Variants in HOOK2 observed in about 807,000 individuals in gnomAD.
HOOK2 encodes the protein hook microtubule tethering protein 2.
A neutral mutation model predicts 111.9 loss-of-function variants in HOOK2; 108 were observed. That is an observed-to-expected ratio of 0.96 (90% CI 0.83 to 1.13). HOOK2 has a LOEUF of 1.13. Among genes scored for constraint, HOOK2 ranks in the 50% most tolerant of loss-of-function variants. The pLI is 0.00. For synonymous variants in HOOK2, 405 were observed against 394.3 expected (o/e 1.03, Z -0.32); for missense variants, 978 against 951.3 (o/e 1.03, Z -0.37).
chr19:12,771,353 GGA>G (rs1281709286), intron 8 of HOOK2, 34 bp from the exon 9 acceptor site: 1 of 1,607,826 alleles, frequency 6.2e-7, no homozygotes, highest in Non-Finnish European at 8.5e-7. Flanking sequence ...GCTTGGGCTT[GGA>G]GAGGGGCTAC....
chr19:12,775,873 CTTT>C (rs775787302), upstream of HOOK2, among the ~76,000 whole-genome samples: 1 of 103,844 alleles, frequency 9.6e-6, no homozygotes, highest in Admixed American at 1.0e-4. Context: ...TAAGTAAATT[CTTT>C]TTTTTTTTTT....
intron 3 of HOOK2, 187 bp from the exon 4 acceptor site, chr19:12,773,231 C>CTTTTTTTTT (rs373156108): frequency 8.0e-4 from 204 of 254,826 alleles, no homozygotes; most frequent in South Asian, 1.1e-3. Flanking sequence ...ATCTTTGTTT[C>CTTTTTTTTT]TTTTTTTTTT....
At chr19:12,782,427 G>A (rs1195125276), upstream of HOOK2, among the ~76,000 whole-genome samples, 1 of 152,258 alleles carries the variant, frequency 6.6e-6, no homozygotes, top group Non-Finnish European at 1.5e-5. Flanking sequence ...CGGGAAGTGG[G>A]AGTCAAAGTC....
chr19:12,775,022 G>C (rs1012114868), intron 1 of HOOK2, 125 bp from the exon 2 acceptor site: 1 of 1,127,456 alleles, frequency 8.9e-7, no homozygotes, highest in African/African-American at 1.5e-5. Context: ...CGCCACAGCA[G>C]CTCTGCGAGG....
At chr19:12,783,178 C>G (rs1968624046), upstream of HOOK2, among the ~76,000 whole-genome samples, 1 of 152,036 alleles carries the variant, frequency 6.6e-6, no homozygotes, top group South Asian at 2.1e-4. Context: ...GAGGGGGCTG[C>G]GGAGTCTGGG....
At position 12,791,802 on chromosome 19, in the gene HOOK2, C is replaced by G. The variant is rs1568381700; in HGVS notation, n.42-17577G>C. 4 of 1,612,436 alleles carry G rather than the reference C, an allele frequency of 2.5e-6. No individual in the cohort carries two copies. In the African/African-American group the frequency reaches 4.0e-5, roughly 16 times the overall value. ...CACTAAAATGGAACAGCCCTTCTAC[C>G]ACGACGACTCATACACAGCTACGGG... On this transcript the variant is annotated intron_variant and non_coding_transcript_variant, in intron 3 of 3. Transcript: ENST00000589765. The surrounding 1 kb of genome is among the most constrained non-coding windows in gnomAD (Gnocchi z 7.0).
In HOOK2 at chr19:12,763,177, G is replaced by T; in HGVS notation, c.*105C>A. The T allele has an allele frequency of 2.4e-6, 3 of 1,229,788 alleles. No individual in the cohort carries two copies. Among genetic ancestry groups the T allele is most frequent in the Non-Finnish European group, 3.5e-6 (3 of 868,566 alleles). The allele number at this position is 1,229,788 out of a possible 1,614,324, so 76.2% of individuals were successfully genotyped here. A position where few individuals can be genotyped will look rare whatever the true frequency, so the allele number is the denominator to read the frequency against. Reference sequence around the variant, plus strand: ...GGGAGAGGGAAGAGCAGAGATCATGGCCTCAAAGCTCTCGAGCACCTGGCT... The same window carrying T: ...GGGAGAGGGAAGAGCAGAGATCATGTCCTCAAAGCTCTCGAGCACCTGGCT... On this transcript the variant is annotated 3_prime_UTR_variant, in exon 23 of 23. Transcript: ENST00000397668.
chr19:12,763,126 C>CT lies in HOOK2; in HGVS notation c.*155dup. The CT allele has an allele frequency of 3.1e-6, 2 of 648,148 alleles. No individual in the cohort carries two copies. Among genetic ancestry groups the CT allele is most frequent in the East Asian group, 2.8e-5 (1 of 35,602 alleles). 40.1% of individuals were successfully genotyped at this position (648,148 alleles called of 1,614,324 possible). Reference sequence around the variant, plus strand: ...CTAAAAAGAACAGGCCTATATCTACCTCCCGCCCTCCCTCCCCACCAATCT... The same window carrying CT: ...CTAAAAAGAACAGGCCTATATCTACCTTCCCGCCCTCCCTCCCCACCAATCT... On this transcript the variant is annotated 3_prime_UTR_variant, in exon 23 of 23. Transcript: ENST00000397668.
chr19:12,770,116 A>G, intron 10 of HOOK2, 34 bp from the exon 11 acceptor site: 1 of 1,451,744 alleles, frequency 6.9e-7, no homozygotes, highest in Admixed American at 2.4e-5. Flanking sequence ...GAGGGCTGAG[A>G]GCTCTGATCA....
intron 3 of HOOK2, among the ~76,000 whole-genome samples, chr19:12,789,607 C>A (rs1245768844): frequency 6.6e-6 from 1 of 152,002 alleles, no homozygotes; most frequent in Non-Finnish European, 1.5e-5. Flanking sequence ...AGGAGGCAGC[C>A]GCCGTTCCAG....
upstream of HOOK2, among the ~76,000 whole-genome samples, chr19:12,777,429 G>C (rs903823382): frequency 6.6e-6 from 1 of 152,164 alleles, no homozygotes; most frequent in African/African-American, 2.4e-5. Context: ...GCAGTGAGCC[G>C]TGGTCGCGCC....
chr19:12,784,837 C>A (rs899998641), intron 3 of HOOK2: 1 of 152,362 alleles, frequency 6.6e-6, no homozygotes, highest in Admixed American at 6.6e-5. Flanking sequence ...ACAAGAGAGA[C>A]AAACCTAGGG....
In HOOK2 at chr19:12,767,920, C is replaced by T. The variant is rs2145742002; in HGVS notation, c.1216-17G>A. Reference sequence around the variant, plus strand: ...CAACAGCCGCTGCAGGGACAGGGTACAAGACACTCCACGGGTCAGGCTCGG... The same window carrying T: ...CAACAGCCGCTGCAGGGACAGGGTATAAGACACTCCACGGGTCAGGCTCGG... On this transcript the variant is annotated splice_polypyrimidine_tract_variant and intron_variant, in intron 12 of 22. Transcript: ENST00000397668. 6.2e-7 allele frequency: 1 copy of T among 1,611,624 alleles called. No individual in the cohort carries two copies. Among genetic ancestry groups the T allele is most frequent in the Non-Finnish European group, 8.5e-7 (1 of 1,179,016 alleles).
At chr19:12,774,768 G>T (rs1968444718) in intron 2 of HOOK2, 27 bp from the exon 3 acceptor site, 24 of 1,613,118 alleles carry the variant, frequency 1.5e-5, no homozygotes, top group Non-Finnish European at 1.8e-5. Flanking sequence ...GGGATGAGCA[G>T]ACTGGGGGAC....
chr19:12,785,676 G>A (rs1968648707), intron 3 of HOOK2, among the ~76,000 whole-genome samples: 1 of 152,172 alleles, frequency 6.6e-6, no homozygotes, highest in African/African-American at 2.4e-5. Context: ...GGCTACTCCT[G>A]TCTCTCAGGC....
chr19:12,772,201 A>G lies in HOOK2; in HGVS notation c.508T>C (p.Phe170Leu), dbSNP rs201375790. 4.3e-6 allele frequency: 7 copies of G among 1,612,928 alleles called. No individual in the cohort carries two copies. The highest frequency in any genetic ancestry group is 5.9e-6 in the Non-Finnish European group (7 of 1,178,992). ...DSLSPETYGN[F>L]DSQSRRYYFL... ...CCCAAATCTCTTACCTGGCTGTCAA[A>G]GTTGCCATACGTCTCTGGTGACAGG... Residue 170 changes from phenylalanine (F) to leucine (L), a missense_variant, in exon 7 of 23, where the codon TTT (phenylalanine) becomes CTT (leucine). Physicochemically the swap from Phe to Leu is conservative, Grantham distance 22. Coordinates refer to ENST00000397668, the MANE Select transcript of HOOK2 (RefSeq NM_013312.3).
rs1568363135 is a variant in HOOK2, at chr19:12,767,456, G to A, written c.1312C>T (p.Leu438=). The change falls in exon 14 of 23, where the codon CTG becomes TTG. Residue 438 remains leucine (L), a synonymous_variant. Coordinates refer to ENST00000397668, the MANE Select transcript of HOOK2 (RefSeq NM_013312.3). The part of the protein sequence containing the change: ...PRGLTQADPS[L]DPTSTPVDNL... ...TCCACGGGTGTGGAGGTGGGATCCA[G>A]TGAGGGATCTGAAGAATGCGAGAAA... The A allele has an allele frequency of 6.2e-7, 1 of 1,613,924 alleles. No individual in the cohort carries two copies. The highest frequency in any genetic ancestry group is 1.7e-4 in the Middle Eastern group (1 of 6,060).
chr19:12,783,395 G>T (rs924480105), upstream of HOOK2, among the ~76,000 whole-genome samples: 1 of 85,492 alleles, frequency 1.2e-5, no homozygotes. Context: ...CCTCCTCCCA[G>T]CCCACAGGAA....
Position 12,774,871 on chromosome 19 carries a change from G to A in HOOK2, c.72C>T (p.Pro24=). The change falls in exon 2 of 23, where the codon CCC becomes CCT. Residue 24 remains proline, a synonymous_variant. Coordinates refer to ENST00000397668, the MANE Select transcript of HOOK2 (RefSeq NM_013312.3). ...TGCTCAGGTCCTGAGGGCTGGCACAGGGAGACGGAACGTGGAACGTCTGTA... is the reference window on the plus strand; with the variant it reads ...TGCTCAGGTCCTGAGGGCTGGCACAAGGAGACGGAACGTGGAACGTCTGTA... ...TWLQTFHVPS[P]CASPQDLSSG... is the part of the protein sequence containing the mutation. 1 of 1,614,160 alleles carries A rather than the reference G, an allele frequency of 6.2e-7. No homozygotes were observed. Among genetic ancestry groups the A allele is most frequent in the Non-Finnish European group, 8.5e-7 (1 of 1,179,986 alleles).
Sources: allele counts gnomAD v4.1 joint callset (sites outside exome capture counted in the v4.1 genomes callset), GRCh38; gene constraint gnomAD v4.1.1; non-coding constraint Gnocchi (gnomAD v3.1); transcripts MANE v1.5; gene names NCBI Gene and HGNC (gene_info 2026-07-23, HGNC 2026-07-21).